Variants in PBX1 observed in about 807,000 individuals in gnomAD.
PBX1 encodes PBX homeobox 1.
Under a neutral mutation model 53.4 loss-of-function variants are expected in PBX1, and 6 were observed. The observed-to-expected ratio is 0.11, with a 90% CI of 0.06 to 0.22. The LOEUF is 0.22. Ranked by LOEUF, PBX1 falls within the 10% of genes least tolerant of loss-of-function variation. PBX1 has a pLI of 1.00. For missense variants in PBX1, 251 were observed against 551.4 expected, an observed-to-expected ratio of 0.46 and a Z score of 5.46; for synonymous variants, 204 against 212.3, an observed-to-expected ratio of 0.96 and a Z score of 0.34.
intron 2 of PBX1, among the ~76,000 whole-genome samples, chr1:164,701,317 G>A (rs1007589758): frequency 6.6e-6 from 1 of 152,154 alleles, no homozygotes; most frequent in African/African-American, 2.4e-5. Context: ...TTCACCAATT[G>A]TTATCTCAGA....
chr1:164,682,337 A>G (rs898308212), intron 2 of PBX1: 2 of 152,150 alleles, frequency 1.3e-5, no homozygotes, highest in African/African-American at 4.8e-5. Flanking sequence ...TGGTTTTGGT[A>G]CAGCTCTTCC....
At chr1:164,652,962 C>T (rs570102080) in intron 2 of PBX1, among the ~76,000 whole-genome samples, 3 of 151,766 alleles carry the variant, frequency 2.0e-5, no homozygotes, top group African/African-American at 7.3e-5. Flanking sequence ...CTCTACCTCC[C>T]GGGTTCAAGT....
chr1:164,645,922 A>C (rs995656812), intron 2 of PBX1, among the ~76,000 whole-genome samples: 1 of 152,300 alleles, frequency 6.6e-6, no homozygotes, highest in Middle Eastern at 3.4e-3. Context: ...GAGAAGTGGA[A>C]GACTTGGATC....
intron 2 of PBX1, among the ~76,000 whole-genome samples, chr1:164,721,818 T>A (rs1196218087): frequency 6.6e-6 from 1 of 152,194 alleles, no homozygotes; most frequent in Non-Finnish European, 1.5e-5. Flanking sequence ...AGTGCTTCAT[T>A]CCTGTGTTCA....
At chr1:164,711,064 C>CT (rs892066108) in intron 2 of PBX1, among the ~76,000 whole-genome samples, 15 of 152,240 alleles carry the variant, frequency 9.9e-5, no homozygotes, top group African/African-American at 3.4e-4. Flanking sequence ...AACCCTTTCT[C>CT]TTTTTTTCTT....
intron 8 of PBX1, chr1:164,829,395 C>G (rs931185207): frequency 6.6e-6 from 1 of 152,108 alleles, no homozygotes; most frequent in Non-Finnish European, 1.5e-5. Context: ...CCATGCTGTC[C>G]CAATATAACT....
chr1:164,803,696 A>G (rs1372441145), intron 4 of PBX1, among the ~76,000 whole-genome samples: 1 of 152,226 alleles, frequency 6.6e-6, no homozygotes, highest in Admixed American at 6.5e-5. Context: ...CACTAGGGAT[A>G]GGAAAGATCC....
intron 2 of PBX1, among the ~76,000 whole-genome samples, chr1:164,611,362 C>T (rs1557890090): frequency 6.6e-6 from 1 of 152,230 alleles, no homozygotes; most frequent in Non-Finnish European, 1.5e-5. Context: ...CTCAGCCTCC[C>T]GAGTAGCTGG....
At chr1:164,789,635 T>C (rs577109191) in intron 2 of PBX1, among the ~76,000 whole-genome samples, 7 of 152,346 alleles carry the variant, frequency 4.6e-5, no homozygotes, top group African/African-American at 1.7e-4. Context: ...TGACCATTAA[T>C]AGGACATCAT....
At chr1:164,757,375 T>C (rs1666585069) in intron 2 of PBX1, among the ~76,000 whole-genome samples, 1 of 152,152 alleles carries the variant, frequency 6.6e-6, no homozygotes, top group Non-Finnish European at 1.5e-5. Flanking sequence ...AAACTAATAA[T>C]ATTTGGTCCT....
intron 2 of PBX1, among the ~76,000 whole-genome samples, chr1:164,865,661 T>C (rs981766309): frequency 1.6e-4 from 24 of 152,200 alleles, no homozygotes; most frequent in African/African-American, 4.1e-4. Context: ...GGTACAAAGA[T>C]ACAAAGCAGA....
intron 2 of PBX1, among the ~76,000 whole-genome samples, chr1:164,629,607 C>T (rs2101875428): frequency 6.6e-6 from 1 of 152,336 alleles, no homozygotes; most frequent in South Asian, 2.1e-4. Flanking sequence ...AAACCCACAT[C>T]TCCCAGTCTT....
chr1:164,841,216 A>G (rs925204148), intron 8 of PBX1, among the ~76,000 whole-genome samples: 1 of 152,150 alleles, frequency 6.6e-6, no homozygotes, highest in African/African-American at 2.4e-5. Context: ...AAAGATATTC[A>G]AATTCAGTCT....
intron 2 of PBX1, among the ~76,000 whole-genome samples, chr1:164,731,071 G>C (rs1664953351): frequency 6.6e-6 from 1 of 152,174 alleles, no homozygotes; most frequent in African/African-American, 2.4e-5. Context: ...GTTTATGTGT[G>C]TGTGTGTGTA....
At chr1:164,725,835 T>C (rs1664673834) in intron 2 of PBX1, among the ~76,000 whole-genome samples, 1 of 152,174 alleles carries the variant, frequency 6.6e-6, no homozygotes, top group Non-Finnish European at 1.5e-5. Flanking sequence ...AAAGCCAAGA[T>C]GGATAAATAA....
intron 2 of PBX1, among the ~76,000 whole-genome samples, chr1:164,665,115 TG>T (rs1311407875): frequency 2.6e-5 from 4 of 152,212 alleles, no homozygotes; most frequent in Non-Finnish European, 5.9e-5. Context: ...CCTGTCTAAA[TG>T]GGAAAGACTA....
chr1:164,575,512 G>A (rs998041759), intron 2 of PBX1, among the ~76,000 whole-genome samples: 2 of 152,162 alleles, frequency 1.3e-5, no homozygotes, highest in African/African-American at 2.4e-5. Flanking sequence ...TCCTGAGGGC[G>A]TTAGGTGATT....
chr1:164,809,904 T>C (rs1254772997), intron 5 of PBX1, among the ~76,000 whole-genome samples: 1 of 152,170 alleles, frequency 6.6e-6, no homozygotes, highest in Non-Finnish European at 1.5e-5. Context: ...GAAATATAAA[T>C]TCTTGAGTGT....
At chr1:164,852,045 CT>C (rs1671865307), downstream of PBX1, among the ~76,000 whole-genome samples, 1 of 152,122 alleles carries the variant, frequency 6.6e-6, no homozygotes, top group African/African-American at 2.4e-5. Context: ...TAAACAATAG[CT>C]GTATTACAGA....
Sources: allele counts gnomAD v4.1 joint callset (sites outside exome capture counted in the v4.1 genomes callset), GRCh38; gene constraint gnomAD v4.1.1; transcripts MANE v1.5; gene names NCBI Gene and HGNC (gene_info 2026-07-23, HGNC 2026-07-21).